Variants in ST18 observed in about 807,000 individuals in gnomAD.
ST18 encodes ST18 C2H2C-type zinc finger transcription factor.
ST18 carries 50 observed loss-of-function variants against 110.0 expected under a neutral mutation model. The observed-to-expected ratio is 0.45, with a 90% confidence interval of 0.36 to 0.58. ST18 has a LOEUF of 0.58. Ranked by LOEUF, ST18 falls within the 20% of genes least tolerant of loss-of-function variation. ST18 has a pLI of 0.00. For missense variants in ST18, 1,306 were observed against 1,280.1 expected (o/e 1.02, Z -0.31); for synonymous variants, 461 against 452.4 (o/e 1.02, Z -0.24).
intron 2 of ST18, among the ~76,000 whole-genome samples, chr8:52,326,671 A>C (rs968010232): frequency 1.3e-5 from 2 of 152,182 alleles, no homozygotes; most frequent in Admixed American, 6.5e-5. Flanking sequence ...TATAGGAGGG[A>C]TATCTGAAAG....
intron 2 of ST18, among the ~76,000 whole-genome samples, chr8:52,256,769 T>G (rs922840759): frequency 1.2e-4 from 18 of 152,152 alleles, no homozygotes; most frequent in Non-Finnish European, 1.8e-4. Context: ...ATAATAGGAA[T>G]TAAAAATAAT....
chr8:52,328,136 CCTAGTT>C (rs1807355131), intron 2 of ST18, among the ~76,000 whole-genome samples: 1 of 152,146 alleles, frequency 6.6e-6, no homozygotes, highest in Non-Finnish European at 1.5e-5. Context: ...GAGTATTCAT[CCTAGTT>C]TTGGTTTGTG....
intron 9 of ST18, among the ~76,000 whole-genome samples, 164 bp downstream of exon 9, chr8:52,179,957 TC>T (rs1166050132): frequency 6.6e-6 from 1 of 152,294 alleles, no homozygotes; most frequent in East Asian, 1.9e-4. Context: ...AAAAACTGGG[TC>T]CTCAATAAAT....
At chr8:52,310,082 T>C (rs1411087571) in intron 2 of ST18, among the ~76,000 whole-genome samples, 3 of 152,230 alleles carry the variant, frequency 2.0e-5, no homozygotes, top group African/African-American at 7.2e-5. Context: ...ATATATATTT[T>C]CAATCCTACA....
intron 2 of ST18, among the ~76,000 whole-genome samples, chr8:52,401,427 CCTT>C (rs1842786987): frequency 6.6e-6 from 1 of 152,126 alleles, no homozygotes; most frequent in Non-Finnish European, 1.5e-5. Context: ...ATGCCTTTCC[CCTT>C]CTTCTCCCTC....
At chr8:52,383,964 T>C (rs1394621597) in intron 2 of ST18, among the ~76,000 whole-genome samples, 1 of 151,948 alleles carries the variant, frequency 6.6e-6, no homozygotes, top group Admixed American at 6.6e-5. Flanking sequence ...CCCAGGCCGA[T>C]CTCAAACTCC....
intron 22 of ST18, among the ~76,000 whole-genome samples, chr8:52,131,440 A>G (rs898250762): frequency 3.3e-5 from 5 of 152,234 alleles, no homozygotes; most frequent in Admixed American, 6.5e-5. Flanking sequence ...AAGGGTTTCT[A>G]GATCTCCTGT....
intron 2 of ST18, among the ~76,000 whole-genome samples, chr8:52,354,660 G>T (rs1821869874): frequency 6.6e-6 from 1 of 152,134 alleles, no homozygotes; most frequent in African/African-American, 2.4e-5. Context: ...ATGTTATTTT[G>T]TAAGGAAAGG....
intron 23 of ST18, among the ~76,000 whole-genome samples, chr8:52,122,277 G>T (rs2045225225): frequency 6.6e-6 from 1 of 151,792 alleles, no homozygotes; most frequent in African/African-American, 2.4e-5. Context: ...TGCCTAATTT[G>T]CATATTTGGG....
intron 2 of ST18, among the ~76,000 whole-genome samples, chr8:52,341,138 T>C (rs550098420): frequency 6.6e-6 from 1 of 152,322 alleles, no homozygotes; most frequent in Admixed American, 6.5e-5. Flanking sequence ...CCAGGCATCT[T>C]AGTTCACACA....
intron 21 of ST18, among the ~76,000 whole-genome samples, 197 bp from the exon 22 acceptor site, chr8:52,132,376 G>T (rs972238618): frequency 2.6e-5 from 4 of 152,188 alleles, no homozygotes; most frequent in African/African-American, 7.2e-5. Flanking sequence ...AATCTACTGG[G>T]TAGAGAGTAT....
intron 16 of ST18, among the ~76,000 whole-genome samples, chr8:52,146,617 T>C (rs77194061): frequency 1.3e-5 from 2 of 152,272 alleles, no homozygotes; most frequent in East Asian, 1.9e-4. Flanking sequence ...TAATGAGACA[T>C]TGCGTATAAA....
chr8:52,397,552 T>C (rs1841559839), intron 2 of ST18, among the ~76,000 whole-genome samples: 1 of 152,184 alleles, frequency 6.6e-6, no homozygotes, highest in Non-Finnish European at 1.5e-5. Context: ...AAGCAGCTTT[T>C]CCCCTATCTT....
intron 15 of ST18, chr8:52,151,075 T>C (rs2132542048): frequency 6.6e-6 from 1 of 152,326 alleles, no homozygotes; most frequent in South Asian, 2.1e-4. Flanking sequence ...ACAATTTGGC[T>C]ACTCTCTTTT....
At chr8:52,365,625 T>C (rs988093559) in intron 2 of ST18, among the ~76,000 whole-genome samples, 16 of 151,466 alleles carry the variant, frequency 1.1e-4, no homozygotes, top group African/African-American at 3.9e-4. Context: ...GAGTATACTA[T>C]AACACATCAA....
intron 8 of ST18, among the ~76,000 whole-genome samples, chr8:52,204,929 T>C (rs917364629): frequency 1.2e-4 from 19 of 152,160 alleles, no homozygotes; most frequent in Admixed American, 5.2e-4. Flanking sequence ...AAATAAAGCA[T>C]GTTTTCCTGC....
chr8:52,283,492 A>T (rs1399076017), intron 2 of ST18, among the ~76,000 whole-genome samples: 1 of 152,198 alleles, frequency 6.6e-6, no homozygotes, highest in Non-Finnish European at 1.5e-5. Flanking sequence ...GACAGGAAGA[A>T]AATGAGGAGA....
intron 2 of ST18, among the ~76,000 whole-genome samples, chr8:52,332,720 G>A (rs888995272): frequency 4.0e-5 from 6 of 151,726 alleles, no homozygotes; most frequent in African/African-American, 9.7e-5. Flanking sequence ...GCGTGGTGGC[G>A]CATGCCTGTA....
intron 8 of ST18, among the ~76,000 whole-genome samples, chr8:52,191,826 G>A (rs1298181603): frequency 6.6e-6 from 1 of 152,206 alleles, no homozygotes; most frequent in Non-Finnish European, 1.5e-5. Context: ...GAAGAGCTTA[G>A]CTAGTCAGGC....
Sources: gnomAD v4.1 joint callset for allele counts (sites outside exome capture counted in the v4.1 genomes callset) on GRCh38, gnomAD v4.1.1 for gene constraint, MANE v1.5 for transcripts, NCBI Gene and HGNC (gene_info 2026-07-23, HGNC 2026-07-21) for gene names.